MROH2B: variants seen among roughly 807,000 people sequenced by gnomAD.
MROH2B encodes the protein maestro heat like repeat family member 2B.
A neutral mutation model predicts 208.6 loss-of-function variants in MROH2B; 177 were observed. That is an observed-to-expected ratio of 0.85 (90% CI 0.75 to 0.96). The LOEUF (loss-of-function observed/expected upper bound fraction) is 0.96, where lower values mean the gene tolerates loss of function less well. Among genes scored for constraint, MROH2B ranks in the 40% least tolerant of loss-of-function variants. The probability of loss-of-function intolerance (pLI) is 0.00; values close to 1 mark genes in which losing one functional copy is unlikely to be tolerated. For synonymous variants in MROH2B, 728 were observed against 659.0 expected (o/e 1.10, Z -1.60); for missense variants, 2,002 against 1,878.7 (o/e 1.07, Z -1.21).
At chr5:41,022,494 G>C (rs1742185439) in intron 24 of MROH2B, among the ~76,000 whole-genome samples, 1 of 152,210 alleles carries the variant, frequency 6.6e-6, no homozygotes, top group Admixed American at 6.5e-5. Context: ...TGGCAGCGAG[G>C]CTGGGGGAGG....
At chr5:41,039,865 T>C (rs1742889357) in intron 19 of MROH2B, among the ~76,000 whole-genome samples, 1 of 152,126 alleles carries the variant, frequency 6.6e-6, no homozygotes, top group African/African-American at 2.4e-5. Context: ...GTTTGCATTA[T>C]TAAAATAGGA....
At chr5:41,064,422 C>G (rs762462529) in intron 5 of MROH2B, 50 bp downstream of exon 5, 1 of 1,468,726 alleles carries the variant, frequency 6.8e-7, no homozygotes, top group Admixed American at 1.8e-5. Flanking sequence ...ATTTGTAAGA[C>G]AGTTCACAGC....
At chr5:41,062,844 C>CTG (rs939371340) in intron 5 of MROH2B, among the ~76,000 whole-genome samples, 8 of 151,546 alleles carry the variant, frequency 5.3e-5, no homozygotes, top group African/African-American at 1.9e-4. Flanking sequence ...GTGTGTGTGG[C>CTG]TGTGTGTGTG....
At chr5:41,035,239 A>G (rs570056990) in intron 21 of MROH2B, among the ~76,000 whole-genome samples, 1 of 152,280 alleles carries the variant, frequency 6.6e-6, no homozygotes, top group Non-Finnish European at 1.5e-5. Context: ...AAAAACAGAC[A>G]CATAAACCAA....
At chr5:41,013,535 C>A (rs1460057897) in intron 29 of MROH2B, among the ~76,000 whole-genome samples, 1 of 152,184 alleles carries the variant, frequency 6.6e-6, no homozygotes, top group East Asian at 1.9e-4. Flanking sequence ...CAATGGTCTT[C>A]CCTTTGCATT....
intron 28 of MROH2B, 44 bp from the exon 29 acceptor site, chr5:41,015,522 G>T: frequency 6.4e-7 from 1 of 1,563,928 alleles, no homozygotes; most frequent in Non-Finnish European, 8.8e-7. Context: ...TCAAAGACCT[G>T]ATAGGGGTTG....
At position 41,008,609 on chromosome 5, in the gene MROH2B, C is replaced by T; in HGVS notation, c.3605G>A (p.Cys1202Tyr). Residue 1202 changes from cysteine (C) to tyrosine (Y), a missense_variant, in exon 33 of 42, where the codon TGC (cysteine) becomes TAC (tyrosine). Transcript: ENST00000399564. Reference protein sequence around the residue: ...QGEQQQIPDPCRLSTATLKCL... With the variant: ...QGEQQQIPDPYRLSTATLKCL... The stretch of plus-strand genomic sequence containing the variant: ...TGCTTCCTGATTGGCCGTTTACCTG[C>T]AGGGGTCTGGGATCTGCTGCTGTTC... The T allele has an allele frequency of 6.2e-7, 1 of 1,613,384 alleles. No homozygotes were observed. Among genetic ancestry groups the T allele is most frequent in the Non-Finnish European group, 8.5e-7 (1 of 1,179,646 alleles).
chr5:41,041,727 G>A (rs1742958358), intron 19 of MROH2B, among the ~76,000 whole-genome samples: 1 of 152,198 alleles, frequency 6.6e-6, no homozygotes, highest in South Asian at 2.1e-4. Context: ...GAGCTTTGCA[G>A]AAGCACTTTA....
intron 24 of MROH2B, among the ~76,000 whole-genome samples, chr5:41,023,536 A>G (rs1259873101): frequency 6.6e-6 from 1 of 152,222 alleles, no homozygotes; most frequent in Non-Finnish European, 1.5e-5. Context: ...GAAATATGGG[A>G]CTATGTGAAA....
At chr5:41,008,325 A>T (rs1371178757) in intron 33 of MROH2B, among the ~76,000 whole-genome samples, 1 of 152,178 alleles carries the variant, frequency 6.6e-6, no homozygotes, top group Non-Finnish European at 1.5e-5. Context: ...CCTCTCTAGA[A>T]AGATCTCAAT....
chr5:41,015,435 C>A lies in MROH2B; in HGVS notation c.2928G>T (p.Gly976=), dbSNP rs772428538. 6.2e-7 allele frequency: 1 copy of A among 1,613,596 alleles called. No homozygotes were observed. The highest frequency in any genetic ancestry group is 1.3e-5 in the African/African-American group (1 of 75,032). The change falls in exon 29 of 42, where the codon GGG becomes GGT. Residue 976 remains glycine, a synonymous_variant. Transcript: ENST00000399564. ...GAACCTGCACGTCATCACTTTCCAG[C>A]CCTTCCTGCAAACCCTGCAGTCTTT... ...EVERLQGLQE[G]LESDDVQVQI... is the part of the protein sequence containing the mutation.
Position 41,000,301 on chromosome 5 carries a change from C to T in MROH2B, c.4401G>A (p.Glu1467=), listed in dbSNP as rs972946199. 1 of 1,613,796 alleles carries T rather than the reference C, an allele frequency of 6.2e-7. No individual in the cohort carries two copies. ...MVCIPFLGLQ[E]LYGVLDRLLD... ...GGAGACGGTCTAATACCCCATAGAG[C>T]TCCTGGAGGCCCAAAAAGGGAATGC... Residue 1467 remains glutamate, a synonymous_variant, in exon 39 of 42, where the codon GAG becomes GAA. Transcript: ENST00000399564.
intron 24 of MROH2B, 66 bp from the exon 25 acceptor site, chr5:41,019,084 C>T: frequency 1.3e-6 from 2 of 1,588,454 alleles, no homozygotes; most frequent in African/African-American, 1.3e-5. Context: ...CAGTGGAATT[C>T]CCAAGAACTG....
chr5:41,002,848 T>G (rs957431865), intron 37 of MROH2B, among the ~76,000 whole-genome samples: 32 of 152,136 alleles, frequency 2.1e-4, no homozygotes, highest in Admixed American at 9.2e-4. Flanking sequence ...TCCAGGAAAC[T>G]TAACAGCTGG....
At chr5:41,063,804 A>G (rs1374827684) in intron 5 of MROH2B, among the ~76,000 whole-genome samples, 3 of 152,176 alleles carry the variant, frequency 2.0e-5, no homozygotes, top group Non-Finnish European at 2.9e-5. Flanking sequence ...CTCCAGTCTC[A>G]TCCAAGAAAC....
rs556778405 is a variant in MROH2B, at chr5:41,060,787, A to C, written c.615+783T>G. 5.3e-5 allele frequency among the ~76,000 whole-genome samples: 8 copies of C among 152,186 alleles called. No homozygotes were observed. In the East Asian group the frequency reaches 1.5e-3, roughly 29 times the overall value. Reference sequence around the variant, plus strand: ...GTTTTCCAGGTGTCTTGAAGAAAAAACTTCCCTACAGGATATTTTTAAAGT... The same window carrying C: ...GTTTTCCAGGTGTCTTGAAGAAAAACCTTCCCTACAGGATATTTTTAAAGT... On this transcript the variant is annotated intron_variant, in intron 6 of 41. Transcript: ENST00000399564.
intron 24 of MROH2B, among the ~76,000 whole-genome samples, chr5:41,023,356 T>A (rs1008626227): frequency 1.3e-5 from 2 of 152,180 alleles, no homozygotes; most frequent in Non-Finnish European, 1.5e-5. Context: ...AATGACCTGA[T>A]GGAGCTGAAA....
intron 11 of MROH2B, 96 bp downstream of exon 11, chr5:41,054,671 T>C: frequency 1.1e-6 from 1 of 903,584 alleles, no homozygotes; most frequent in Non-Finnish European, 1.6e-6. Flanking sequence ...CAGAGTTCTT[T>C]ATAAAATAGT....
In MROH2B at chr5:41,058,130, G is replaced by A; in HGVS notation, c.689C>T (p.Ala230Val). 3.7e-6 allele frequency: 6 copies of A among 1,606,566 alleles called. No homozygotes were observed. The highest frequency in any genetic ancestry group is 5.1e-6 in the Non-Finnish European group (6 of 1,176,246). Residue 230 changes from alanine (A) to valine (V), a missense_variant, in exon 7 of 42, where the codon GCC (alanine) becomes GTC (valine). Physicochemically the swap from Ala to Val is moderately conservative, Grantham distance 64 (BLOSUM62 0). Transcript: ENST00000399564. The stretch of plus-strand genomic sequence containing the variant: ...CAGGAGCCAGGGCACCTGGCCCAGG[G>A]CGTATCCACGGAAGTCTTCCCGATG... The part of the protein sequence containing the change: ...LLHREDFRGY[A>V]LGQVPWLLNQ...
Sources: allele counts gnomAD v4.1 joint callset (sites outside exome capture counted in the v4.1 genomes callset), GRCh38; gene constraint gnomAD v4.1.1; transcripts MANE v1.5; gene names NCBI Gene and HGNC (gene_info 2026-07-23, HGNC 2026-07-21).